Variants in GANC observed in about 807,000 individuals in gnomAD.
GANC encodes the protein neutral alpha-glucosidase C.
Under a neutral mutation model 124.2 loss-of-function variants are expected in GANC, and 117 were observed. The ratio of observed to expected loss-of-function variants is 0.94; its 90% CI spans 0.81 to 1.10. The LOEUF (loss-of-function observed/expected upper bound fraction) is 1.10. GANC is among the 50% of genes least tolerant of loss of function. The pLI, the probability that GANC is intolerant of heterozygous loss-of-function variation, is 0.00. For missense variants in GANC, 1,140 were observed against 1,095.0 expected, an observed-to-expected ratio of 1.04 and a Z score of -0.58; for synonymous variants, 377 against 376.8, an observed-to-expected ratio of 1.00 and a Z score of -0.01.
chr15:42,345,208 T>C (rs2052354309), intron 19 of GANC, among the ~76,000 whole-genome samples: 1 of 151,376 alleles, frequency 6.6e-6, no homozygotes, highest in Non-Finnish European at 1.5e-5. Context: ...GAATTGTGCT[T>C]TGTTTAAAAA....
intron 17 of GANC, 100 bp from the exon 18 acceptor site, chr15:42,340,590 T>C (rs113939497): frequency 0.092 from 81,825 of 887,304 alleles, 5,069 homozygotes; most frequent in South Asian, 0.2. Flanking sequence ...GGCAACAAAG[T>C]GAGATCCATC....
At chr15:42,316,679 T>A (rs11637045) in intron 10 of GANC, among the ~76,000 whole-genome samples, 1 of 152,104 alleles carries the variant, frequency 6.6e-6, no homozygotes, top group Non-Finnish European at 1.5e-5. Context: ...AGATGACTGC[T>A]GGCAGGCCTG....
chr15:42,323,479 CATTTT>C (rs1213820162), intron 11 of GANC, among the ~76,000 whole-genome samples: 1 of 149,642 alleles, frequency 6.7e-6, no homozygotes, highest in Non-Finnish European at 1.5e-5. Flanking sequence ...TCCAGAGGTG[CATTTT>C]ATTTTATTTA....
At chr15:42,292,622 A>G (rs1046837877) in intron 4 of GANC, 113 bp from the exon 5 acceptor site, 17 of 1,045,102 alleles carry the variant, frequency 1.6e-5, no homozygotes, top group East Asian at 1.5e-4. Flanking sequence ...TGCCTTATCT[A>G]TGGCTATGTC....
chr15:42,282,621 CT>C (rs1243796908), intron 3 of GANC, among the ~76,000 whole-genome samples: 1 of 152,178 alleles, frequency 6.6e-6, no homozygotes, highest in African/African-American at 2.4e-5. Context: ...CTTTAAAACC[CT>C]TAAAGCAGTA....
rs1370102352 is a variant in GANC, at chr15:42,318,542, A to G, written c.1058-3243A>G. Among the ~76,000 whole-genome samples the G allele has an allele frequency of 4.6e-5, 7 of 152,074 alleles. 1 individual carries two copies. Among genetic ancestry groups the G allele is most frequent in the Non-Finnish European group, 2.9e-5 (2 of 68,026 alleles). On this transcript the variant is annotated intron_variant, in intron 10 of 23. Coordinates refer to ENST00000318010, the MANE Select transcript of GANC (RefSeq NM_198141.3). Reference sequence around the variant, plus strand: ...CCTTCTCTTTATCACTAACATTCCAAATTTCCAGTATTCTGAAATTTTGTA... The same window carrying G: ...CCTTCTCTTTATCACTAACATTCCAGATTTCCAGTATTCTGAAATTTTGTA...
intron 6 of GANC, among the ~76,000 whole-genome samples, chr15:42,298,545 G>A (rs1489039730): frequency 1.3e-5 from 2 of 152,154 alleles, no homozygotes; most frequent in East Asian, 3.8e-4. Flanking sequence ...GTTCTAAGTA[G>A]CAGAGATGCA....
chr15:42,326,487 G>A (rs949476747), intron 12 of GANC, 63 bp downstream of exon 12: 8 of 1,606,824 alleles, frequency 5.0e-6, no homozygotes, highest in South Asian at 2.2e-5. Context: ...TGAAGGCTGC[G>A]TGGTCATCAT....
At chr15:42,316,980 TTAA>T (rs2052111750) in intron 10 of GANC, among the ~76,000 whole-genome samples, 1 of 152,236 alleles carries the variant, frequency 6.6e-6, no homozygotes, top group Admixed American at 6.5e-5. Context: ...AAGCTAATGA[TTAA>T]TAATGTTTAC....
intron 6 of GANC, among the ~76,000 whole-genome samples, chr15:42,300,133 G>T (rs2051931519): frequency 6.6e-6 from 1 of 152,148 alleles, no homozygotes; most frequent in African/African-American, 2.4e-5. Flanking sequence ...TTAAACTAAA[G>T]AGCTTCTGCA....
At chr15:42,278,619 T>C (rs2051700585) in intron 3 of GANC, 29 bp downstream of exon 3, 1 of 1,480,480 alleles carries the variant, frequency 6.8e-7, no homozygotes, top group Non-Finnish European at 9.4e-7. Context: ...CTACAGAGAA[T>C]AATTTGTTTC....
rs753354375 is a variant in GANC at position 42,273,233 on chromosome 15, C to T, written c.-1249C>T. Reference sequence around the variant, plus strand: ...CACCCCTTGCTCCTCTAGGTTCAGACGTTAGTGAAGTGAATACTCACCGAC... The same window carrying T: ...CACCCCTTGCTCCTCTAGGTTCAGATGTTAGTGAAGTGAATACTCACCGAC... On this transcript the variant is annotated 5_prime_UTR_variant, in exon 1 of 24. The change creates a new upstream start codon in the 5' untranslated region. Transcript: ENST00000318010. 1.5e-5 allele frequency: 24 copies of T among 1,613,746 alleles called. No individual in the cohort carries two copies. The highest frequency in any genetic ancestry group is 1.6e-5 in the Non-Finnish European group (19 of 1,179,810).
intron 18 of GANC, among the ~76,000 whole-genome samples, chr15:42,342,387 G>T (rs750006102): frequency 6.6e-5 from 10 of 152,076 alleles, no homozygotes; most frequent in Non-Finnish European, 1.5e-4. Context: ...TTTGAGATTA[G>T]CCTGGGCAAT....
rs60116980 is a variant in GANC at position 42,339,305 on chromosome 15, AACACACACACACACACACACACAC to A, written c.1844-334_1844-311del. 7.5e-4 allele frequency among the ~76,000 whole-genome samples: 90 copies of A among 119,248 alleles called. 1 individual carries two copies. In the East Asian group the frequency reaches 0.02, roughly 26 times the overall value. 78.2% of individuals were successfully genotyped at this position (119,248 alleles called of 152,430 possible). On this transcript the variant is annotated intron_variant, in intron 16 of 23. Coordinates refer to ENST00000318010, the MANE Select transcript of GANC (RefSeq NM_198141.3). ...AATCAGTTGCCAACCACCCCCCTCC[AACACACACACACACACACACACAC>A]ACACACACACACACACACACACACA...
At position 42,306,527 on chromosome 15, in the gene GANC, C is replaced by T; in HGVS notation, c.559-19C>T. On this transcript the variant is annotated intron_variant, in intron 6 of 23. Coordinates refer to ENST00000318010, the MANE Select transcript of GANC (RefSeq NM_198141.3). ...TTGCAATTTGTAAACTCAGTTTGCT[C>T]CCTTTTTTGTACCAACAGGAAAATC... 1.2e-6 allele frequency: 2 copies of T among 1,600,048 alleles called. No individual in the cohort carries two copies. Among genetic ancestry groups the T allele is most frequent in the Non-Finnish European group, 1.7e-6 (2 of 1,174,326 alleles).
intron 4 of GANC, among the ~76,000 whole-genome samples, chr15:42,291,264 A>C (rs1162220902): frequency 6.6e-6 from 1 of 152,246 alleles, no homozygotes; most frequent in Non-Finnish European, 1.5e-5. Flanking sequence ...TCAGGTACAC[A>C]TACCAGATAA....
In GANC at chr15:42,277,625, G is replaced by T. The variant is rs531941664; in HGVS notation, c.93-857G>T. On this transcript the variant is annotated intron_variant, in intron 2 of 23. Transcript: ENST00000318010. ...TATTTTTATGCATTTTTTTGAGACGGAGTCTCCCTCTGTCACCCAGGCTGG... is the reference window on the plus strand; with the variant it reads ...TATTTTTATGCATTTTTTTGAGACGTAGTCTCCCTCTGTCACCCAGGCTGG... 4.0e-5 allele frequency among the ~76,000 whole-genome samples: 6 copies of T among 151,510 alleles called. No individual in the cohort carries two copies. The South Asian group carries it at 1.0e-3, about 26-fold the overall frequency.
chr15:42,274,532 A>T, intron 1 of GANC, 22 bp downstream of exon 1: 6 of 1,602,668 alleles, frequency 3.7e-6, no homozygotes, highest in Non-Finnish European at 5.1e-6. Context: ...GTGCTTCTGT[A>T]GCGAGTGACC....
intron 10 of GANC, among the ~76,000 whole-genome samples, chr15:42,316,555 G>T (rs1247470595): frequency 6.6e-6 from 1 of 152,194 alleles, no homozygotes; most frequent in Non-Finnish European, 1.5e-5. Context: ...AGGACTTTAA[G>T]ACTTTCACTA....
Sources: allele counts gnomAD v4.1 joint callset (sites outside exome capture counted in the v4.1 genomes callset), GRCh38; gene constraint gnomAD v4.1.1; transcripts MANE v1.5; gene names NCBI Gene and HGNC (gene_info 2026-07-23, HGNC 2026-07-21).